The following GARS1 variants were observed in gnomAD, a reference collection of about 807,000 sequenced individuals.
GARS1 encodes the protein glycine--tRNA ligase.
Under a neutral mutation model 86.4 loss-of-function variants are expected in GARS1, and 46 were observed. The ratio of observed to expected loss-of-function variants is 0.53; its 90% confidence interval spans 0.42 to 0.68. The LOEUF is 0.68. Ranked by LOEUF, GARS1 falls within the 30% of genes least tolerant of loss-of-function variation. GARS1 has a pLI of 0.00. For missense variants in GARS1, 797 were observed against 915.6 expected (o/e 0.87, Z 1.67); for synonymous variants, 342 against 329.8 (o/e 1.04, Z -0.40).
intron 8 of GARS1, among the ~76,000 whole-genome samples, chr7:30,615,208 C>T (rs1782868004): frequency 1.3e-5 from 2 of 152,182 alleles, no homozygotes; most frequent in African/African-American, 4.8e-5. Context: ...TTAAGAAGCT[C>T]TTGCTCCAAA....
intron 6 of GARS1, 147 bp downstream of exon 6, chr7:30,603,719 T>A: frequency 1.5e-6 from 1 of 672,930 alleles, no homozygotes; most frequent in Non-Finnish European, 2.7e-6. Flanking sequence ...AGCGTCTCTT[T>A]TTTTGCATTT....
At chr7:30,611,762 G>A (rs975062373) in intron 7 of GARS1, among the ~76,000 whole-genome samples, 1 of 152,214 alleles carries the variant, frequency 6.6e-6, no homozygotes, top group Non-Finnish European at 1.5e-5. Context: ...GGGATTACAG[G>A]TGTGAGCGAC....
At chr7:30,609,050 T>C (rs1791539831) in intron 6 of GARS1, among the ~76,000 whole-genome samples, 1 of 152,224 alleles carries the variant, frequency 6.6e-6, no homozygotes, top group South Asian at 2.1e-4. Context: ...GAATGTGCAA[T>C]ACACTGGAAA....
At chr7:30,622,526 A>G (rs1405956941) in intron 12 of GARS1, 64 bp downstream of exon 12, 1 of 1,580,208 alleles carries the variant, frequency 6.3e-7, no homozygotes, top group African/African-American at 1.3e-5. Context: ...CCAGGTTCTG[A>G]AAGGATGAGA....
intron 6 of GARS1, 69 bp from the exon 7 acceptor site, chr7:30,609,516 A>C (rs1791552280): frequency 7.4e-7 from 1 of 1,343,682 alleles, no homozygotes; most frequent in Non-Finnish European, 1.1e-6. Flanking sequence ...CTAGGGTTAT[A>C]TATAATACTT....
chr7:30,595,528 A>G (rs1791228671), intron 1 of GARS1, among the ~76,000 whole-genome samples: 1 of 152,138 alleles, frequency 6.6e-6, no homozygotes, highest in South Asian at 2.1e-4. Context: ...TCAGTTTTCC[A>G]GGCTCTGCTG....
Position 30,609,697 on chromosome 7 carries a change from A to G in GARS1, c.848A>G (p.Lys283Arg). ...SPPVSFNLMF[K>R]TFIGPGGNMP... The stretch of plus-strand genomic sequence containing the variant: ...CCAGTGTCTTTTAACTTAATGTTCA[A>G]GACTTTCATTGGGCCTGGAGGAAAC... The change falls in exon 7 of 17, where the codon AAG (lysine) becomes AGG (arginine). Residue 283 changes from lysine (K) to arginine (R), a missense_variant. Around this residue, in one of 2 missense-constraint regions of GARS1, gnomAD observed 598 missense variants for 738.7 expected, o/e 0.81. Coordinates refer to ENST00000389266, the MANE Select transcript of GARS1 (RefSeq NM_002047.4). 6.2e-7 allele frequency: 1 copy of G among 1,613,716 alleles called. No homozygotes were observed. The highest frequency in any genetic ancestry group is 8.5e-7 in the Non-Finnish European group (1 of 1,179,700).
chr7:30,609,751 A>G, intron 7 of GARS1, 21 bp downstream of exon 7: 1 of 1,612,022 alleles, frequency 6.2e-7, no homozygotes, highest in Non-Finnish European at 8.5e-7. Context: ...CTTATTGTTT[A>G]CCTGTTTATG....
chr7:30,606,015 AT>A (rs1791477042), intron 6 of GARS1, among the ~76,000 whole-genome samples: 1 of 151,940 alleles, frequency 6.6e-6, no homozygotes, highest in African/African-American at 2.4e-5. Context: ...TTTCATTAAA[AT>A]TTTTTTCAAG....
Position 30,619,707 on chromosome 7 carries a change from G to A in GARS1, c.1360-1686G>A, listed in dbSNP as rs78238955. Among the ~76,000 whole-genome samples, 1,060 of 151,494 alleles carry A rather than the reference G, an allele frequency of 7.0e-3. 8 individuals carry two copies. The highest frequency in any genetic ancestry group is 0.014 in the Middle Eastern group (4 of 294). On this transcript the variant is annotated intron_variant, in intron 10 of 16. Coordinates refer to ENST00000389266, the MANE Select transcript of GARS1 (RefSeq NM_002047.4). ...CTGAGCTCATATGAGTTTTATATTT[G>A]CTTGCTTTATTACAGACACCCCATG...
chr7:30,616,373 A>G (rs968503015), intron 9 of GARS1, among the ~76,000 whole-genome samples: 1 of 152,214 alleles, frequency 6.6e-6, no homozygotes, highest in African/African-American at 2.4e-5. Context: ...GGGAGACAGC[A>G]TTGGACCCAC....
chr7:30,594,776 G>A, upstream of GARS1: 1 of 671,852 alleles, frequency 1.5e-6, no homozygotes, highest in Non-Finnish European at 2.5e-6. Context: ...ATCTGCGGCG[G>A]CGACCCGGCG....
intron 6 of GARS1, 38 bp downstream of exon 6, chr7:30,603,610 G>C (rs1251626239): frequency 2.8e-6 from 4 of 1,444,602 alleles, no homozygotes; most frequent in Admixed American, 1.7e-5. Flanking sequence ...TAACCTAGGT[G>C]GTCGCTGTCC....
rs1207342725 is a variant in GARS1, at chr7:30,634,004, A to AATT, written c.*144_*145insATT. The AATT allele has an allele frequency of 1.7e-3, 1,631 of 982,294 alleles. 10 individuals carry two copies. The highest frequency in any genetic ancestry group is 2.3e-3 in the Admixed American group (90 of 39,004). The allele number at this position is 982,294 out of a possible 1,614,324, so 60.8% of individuals were successfully genotyped here. On this transcript the variant is annotated 3_prime_UTR_variant, in exon 17 of 17. Transcript: ENST00000389266. Reference sequence around the variant, plus strand: ...TCAGTGGCTGCCTGATTTTACCCCCACAATTAAAGTTGAAGGAATCCTGAA... The same window carrying AATT: ...TCAGTGGCTGCCTGATTTTACCCCCAATTCAATTAAAGTTGAAGGAATCCTGAA...
chr7:30,615,679 A>C (rs1782876952), intron 8 of GARS1, among the ~76,000 whole-genome samples: 1 of 152,214 alleles, frequency 6.6e-6, no homozygotes, highest in Non-Finnish European at 1.5e-5. Flanking sequence ...CAAATATAAT[A>C]CATCAAAAAA....
At chr7:30,615,801 C>T (rs1057235117) in intron 8 of GARS1, 95 bp from the exon 9 acceptor site, 21 of 1,361,622 alleles carry the variant, frequency 1.5e-5, no homozygotes, top group Admixed American at 1.9e-5. Context: ...GAGCCTTTAT[C>T]ACTAGAATGC....
At chr7:30,609,410 A>C (rs759264078) in intron 6 of GARS1, among the ~76,000 whole-genome samples, 175 bp from the exon 7 acceptor site, 61 of 152,200 alleles carry the variant, frequency 4.0e-4, no homozygotes, top group Non-Finnish European at 7.6e-4. Context: ...TGATAAATGG[A>C]AAGTGAATAA....
intron 8 of GARS1, among the ~76,000 whole-genome samples, chr7:30,612,708 A>C (rs1051728755): frequency 6.6e-6 from 1 of 152,206 alleles, no homozygotes; most frequent in African/African-American, 2.4e-5. Context: ...AACCAACTGG[A>C]GTTCTGGAAA....
intron 2 of GARS1, 38 bp from the exon 3 acceptor site, chr7:30,599,909 C>T (rs1385027978): frequency 2.4e-6 from 3 of 1,224,892 alleles, no homozygotes; most frequent in Non-Finnish European, 3.6e-6. Context: ...TTCCCACCCA[C>T]CCCTCCACTC....
Sources: allele counts gnomAD v4.1 joint callset (sites outside exome capture counted in the v4.1 genomes callset), GRCh38; gene constraint gnomAD v4.1.1; regional missense constraint gnomAD v4.1.1; transcripts MANE v1.5; gene names NCBI Gene and HGNC (gene_info 2026-07-23, HGNC 2026-07-21).